EYS: variants seen among roughly 807,000 people sequenced by gnomAD.
The protein encoded by EYS is EGF-like photoreceptor maintenance factor, also known as protein eyes shut homolog.
Under a neutral mutation model 282.1 loss-of-function variants are expected in EYS, and 250 were observed. That is an observed-to-expected ratio of 0.89 (90% CI 0.80 to 0.98). The LOEUF (loss-of-function observed/expected upper bound fraction) is 0.98. Ranked by LOEUF, EYS falls within the 50% of genes least tolerant of loss-of-function variation. The pLI is 0.00. For synonymous variants in EYS, 1,355 were observed against 1,282.9 expected (o/e 1.06, Z -1.20); for missense variants, 4,016 against 3,709.0 (o/e 1.08, Z -2.15).
At chr6:64,559,903 C>T (rs1765344433) in intron 26 of EYS, among the ~76,000 whole-genome samples, 4 of 152,106 alleles carry the variant, frequency 2.6e-5, no homozygotes. Context: ...TGCTCCCCTT[C>T]CTCCTTGTAC....
intron 33 of EYS, among the ~76,000 whole-genome samples, chr6:64,037,029 C>G (rs1250819480): frequency 6.6e-6 from 1 of 152,020 alleles, no homozygotes; most frequent in Non-Finnish European, 1.5e-5. Flanking sequence ...CCTCAGATGG[C>G]CATGGAACAC....
chr6:63,723,647 GTTC>G lies in EYS; in HGVS notation c.8234-1853_8234-1851del, dbSNP rs150979803. On this transcript the variant is annotated intron_variant, in intron 42 of 42. Transcript: ENST00000503581. Reference sequence around the variant, plus strand: ...AGGATTATTTTAACTCAGCTAGTATGTTCTTACGAAAAATTGACAAAAAGTTTT... The same window carrying G: ...AGGATTATTTTAACTCAGCTAGTATGTTACGAAAAATTGACAAAAAGTTTT... Among the ~76,000 whole-genome samples the G allele has an allele frequency of 1.6e-3, 245 of 152,126 alleles. 1 individual carries two copies. The highest frequency in any genetic ancestry group is 5.6e-3 in the African/African-American group (233 of 41,530).
At position 65,392,275 on chromosome 6, in the gene EYS, T is replaced by A. The variant is rs1766072233; in HGVS notation, c.1185-7775A>T. Reference sequence around the variant, plus strand: ...CATAGGCATGGGCAAGGACTTCATGTCTAAAACACCAAAAGCAATGGCAAC... The same window carrying A: ...CATAGGCATGGGCAAGGACTTCATGACTAAAACACCAAAAGCAATGGCAAC... On this transcript the variant is annotated intron_variant, in intron 7 of 42. Coordinates refer to ENST00000503581, the MANE Select transcript of EYS (RefSeq NM_001142800.2). 2.6e-5 allele frequency among the ~76,000 whole-genome samples: 4 copies of A among 151,630 alleles called. No homozygotes were observed. The South Asian group carries it at 6.2e-4, about 24-fold the overall frequency.
At chr6:64,313,203 T>C (rs757782393) in intron 29 of EYS, among the ~76,000 whole-genome samples, 33 of 152,240 alleles carry the variant, frequency 2.2e-4, no homozygotes, top group Admixed American at 5.9e-4. Context: ...CTGATGGAGC[T>C]GAAAAACACA....
At chr6:64,825,913 A>C (rs1000934139) in intron 19 of EYS, among the ~76,000 whole-genome samples, 1 of 151,566 alleles carries the variant, frequency 6.6e-6, no homozygotes, top group African/African-American at 2.4e-5. Context: ...ACATATATAT[A>C]TATATATATA....
At chr6:63,942,883 G>C (rs1263151455) in intron 35 of EYS, among the ~76,000 whole-genome samples, 1 of 152,130 alleles carries the variant, frequency 6.6e-6, no homozygotes, top group East Asian at 1.9e-4. Flanking sequence ...TCAATGTGAA[G>C]ACAAGGAGGA....
intron 8 of EYS, among the ~76,000 whole-genome samples, chr6:65,369,484 G>T (rs1056777558): frequency 2.0e-5 from 3 of 151,020 alleles, no homozygotes; most frequent in Non-Finnish European, 4.4e-5. Flanking sequence ...TCCCAATCTG[G>T]AATCTATCTC....
At chr6:63,831,173 A>G (rs1164980558) in intron 36 of EYS, among the ~76,000 whole-genome samples, 1 of 152,226 alleles carries the variant, frequency 6.6e-6, no homozygotes, top group Non-Finnish European at 1.5e-5. Context: ...GGGCAAAATA[A>G]CCAGCTAAAA....
intron 24 of EYS, among the ~76,000 whole-genome samples, chr6:64,615,930 T>C (rs899954806): frequency 2.6e-5 from 4 of 152,094 alleles, no homozygotes; most frequent in African/African-American, 9.7e-5. Flanking sequence ...TGTTTCTATT[T>C]CTAACATATA....
chr6:64,716,236 C>G (rs1486794725), intron 22 of EYS, among the ~76,000 whole-genome samples: 1 of 152,188 alleles, frequency 6.6e-6, no homozygotes, highest in Non-Finnish European at 1.5e-5. Flanking sequence ...AACCAGAAAG[C>G]AGTCAAGTCA....
intron 19 of EYS, among the ~76,000 whole-genome samples, chr6:64,842,343 G>A (rs1218671487): frequency 2.0e-5 from 3 of 151,508 alleles, no homozygotes; most frequent in African/African-American, 7.3e-5. Flanking sequence ...TGGTTGATAT[G>A]GTTTGTCTGT....
At chr6:64,680,203 G>T (rs1399353660) in intron 22 of EYS, among the ~76,000 whole-genome samples, 1 of 152,114 alleles carries the variant, frequency 6.6e-6, no homozygotes, top group Non-Finnish European at 1.5e-5. Context: ...GCTTAAGAAA[G>T]CAATGGGAAC....
At chr6:64,583,868 A>G (rs956039399) in intron 26 of EYS, among the ~76,000 whole-genome samples, 2 of 152,152 alleles carry the variant, frequency 1.3e-5, no homozygotes, top group African/African-American at 4.8e-5. Flanking sequence ...TACTGTAGAA[A>G]TGTGATTAAT....
chr6:64,353,658 A>G (rs1363248242), intron 29 of EYS, among the ~76,000 whole-genome samples: 2 of 151,670 alleles, frequency 1.3e-5, no homozygotes, highest in Non-Finnish European at 3.0e-5. Context: ...TAAATTATCA[A>G]ACATTTAACA....
intron 23 of EYS, among the ~76,000 whole-genome samples, chr6:64,618,378 C>T (rs1374462176): frequency 6.6e-6 from 1 of 152,090 alleles, no homozygotes; most frequent in Non-Finnish European, 1.5e-5. Flanking sequence ...CCTAAGTATA[C>T]CCTTCCACAT....
At position 64,451,749 on chromosome 6, in the gene EYS, C is replaced by T. The variant is rs373117864; in HGVS notation, c.5645-12397G>A. ...TAATCCAGCATATAAACAGAACCAA[C>T]GACAAAAACCACATGATTATCTCAA... is the stretch of plus-strand genomic sequence containing the variant. On this transcript the variant is annotated intron_variant, in intron 26 of 42. Coordinates refer to ENST00000503581, the MANE Select transcript of EYS (RefSeq NM_001142800.2). Among the ~76,000 whole-genome samples, 19 of 152,088 alleles carry T rather than the reference C, an allele frequency of 1.2e-4. No homozygotes were observed. In the East Asian group the frequency reaches 1.5e-3, roughly 12 times the overall value.
chr6:64,851,882 C>G (rs1177083485), intron 19 of EYS, among the ~76,000 whole-genome samples: 2 of 151,860 alleles, frequency 1.3e-5, no homozygotes, highest in East Asian at 1.9e-4. Flanking sequence ...GTACAAGAAA[C>G]CCCCATGACA....
At chr6:65,364,268 T>C (rs1764828577) in intron 8 of EYS, among the ~76,000 whole-genome samples, 1 of 151,114 alleles carries the variant, frequency 6.6e-6, no homozygotes, top group Admixed American at 6.8e-5. Context: ...CAATTTTTTT[T>C]CAATTTATGG....
intron 12 of EYS, among the ~76,000 whole-genome samples, chr6:65,172,184 C>A (rs1765120305): frequency 6.6e-6 from 1 of 150,966 alleles, no homozygotes; most frequent in Non-Finnish European, 1.5e-5. Flanking sequence ...AAAGTTTGTA[C>A]TTTTGATTAA....
Sources: gnomAD v4.1 joint callset for allele counts (sites outside exome capture counted in the v4.1 genomes callset) on GRCh38, gnomAD v4.1.1 for gene constraint, MANE v1.5 for transcripts, NCBI Gene and HGNC (gene_info 2026-07-23, HGNC 2026-07-21) for gene names.